Variants in SRFBP1 observed in about 807,000 individuals in gnomAD.
SRFBP1 encodes the protein serum response factor binding protein 1.
SRFBP1 carries 47 observed loss-of-function variants against 45.5 expected under a neutral mutation model. The observed-to-expected ratio is 1.03, with a 90% CI of 0.82 to 1.32. SRFBP1 has a LOEUF of 1.32. Ranked by LOEUF, SRFBP1 falls within the 40% of genes most tolerant of loss-of-function variation. The pLI is 0.00. For synonymous variants in SRFBP1, 203 were observed against 166.3 expected (o/e 1.22, Z -1.70); for missense variants, 621 against 484.6 (o/e 1.28, Z -2.64).
intron 3 of SRFBP1, among the ~76,000 whole-genome samples, chr5:121,976,323 T>C (rs1752301735): frequency 1.3e-5 from 2 of 151,962 alleles, no homozygotes; most frequent in Non-Finnish European, 2.9e-5. Context: ...TATTATAAAA[T>C]TCATGGAATC....
intron 2 of SRFBP1, chr5:122,066,774 C>T (rs756079058): frequency 6.7e-7 from 1 of 1,497,908 alleles, no homozygotes; most frequent in Non-Finnish European, 9.3e-7. Flanking sequence ...CAAAATAAGA[C>T]AAATTATTAA....
At chr5:122,026,422 C>A (rs113358732) in intron 7 of SRFBP1, among the ~76,000 whole-genome samples, 114 of 152,252 alleles carry the variant, frequency 7.5e-4, no homozygotes, top group African/African-American at 2.6e-3. Flanking sequence ...GTACTATTTG[C>A]CTTGTAATAA....
chr5:121,995,690 C>CA (rs1181774170), intron 4 of SRFBP1, among the ~76,000 whole-genome samples: 2 of 151,844 alleles, frequency 1.3e-5, no homozygotes, highest in Non-Finnish European at 2.9e-5. Context: ...AATAGAGACA[C>CA]AAAAAACCCT....
At chr5:122,051,001 A>T (rs373285709) in intron 2 of SRFBP1, among the ~76,000 whole-genome samples, 6 of 152,018 alleles carry the variant, frequency 3.9e-5, no homozygotes, top group East Asian at 3.9e-4. Context: ...CCTTAATTTC[A>T]TTGTTTCCCC....
At chr5:122,057,744 G>A (rs1048524316) in intron 2 of SRFBP1, among the ~76,000 whole-genome samples, 11 of 152,066 alleles carry the variant, frequency 7.2e-5, no homozygotes, top group Admixed American at 6.6e-4. Flanking sequence ...TATAGTAGAT[G>A]GATCAGACAG....
chr5:122,018,106 A>G (rs1279341926), intron 4 of SRFBP1, among the ~76,000 whole-genome samples: 4 of 152,356 alleles, frequency 2.6e-5, no homozygotes, highest in East Asian at 1.9e-4. Context: ...TCAGCCGTGT[A>G]TATATTTGGG....
At chr5:122,078,013 C>T (rs201335727), downstream of SRFBP1, 1,006 of 1,436,080 alleles carry the variant, frequency 7.0e-4, 17 homozygotes, top group South Asian at 0.015. Flanking sequence ...TGACCCCGCT[C>T]GAGGAGGACG....
chr5:122,001,433 G>A (rs1178870360), intron 4 of SRFBP1, among the ~76,000 whole-genome samples: 2 of 140,012 alleles, frequency 1.4e-5, no homozygotes, highest in Non-Finnish European at 3.1e-5. Flanking sequence ...ATTTTTCTCA[G>A]AACCTTTTGT....
intron 1 of SRFBP1, among the ~76,000 whole-genome samples, chr5:121,967,036 G>A (rs1225011114): frequency 7.5e-5 from 11 of 146,900 alleles, no homozygotes; most frequent in African/African-American, 1.5e-4. Context: ...CTCGTGATCC[G>A]CCTGCCTCAG....
intron 2 of SRFBP1, among the ~76,000 whole-genome samples, chr5:122,047,189 T>G (rs1580543387): frequency 1.3e-5 from 2 of 152,194 alleles, no homozygotes; most frequent in African/African-American, 4.8e-5. Flanking sequence ...GGTCTAACAT[T>G]TAAGTCTTTA....
At chr5:122,031,835 C>T (rs554752527), downstream of SRFBP1, among the ~76,000 whole-genome samples, 1 of 152,100 alleles carries the variant, frequency 6.6e-6, no homozygotes, top group South Asian at 2.1e-4. Context: ...CAGACTACAA[C>T]GTGAATGGAT....
At chr5:122,036,267 C>T (rs1419748776) in intron 2 of SRFBP1, among the ~76,000 whole-genome samples, 1 of 152,092 alleles carries the variant, frequency 6.6e-6, no homozygotes, top group Non-Finnish European at 1.5e-5. Flanking sequence ...CTCATCTGTG[C>T]TCTGGGAGAC....
chr5:122,044,701 G>A (rs761260649), intron 2 of SRFBP1, among the ~76,000 whole-genome samples: 2 of 151,918 alleles, frequency 1.3e-5, no homozygotes, highest in African/African-American at 2.4e-5. Context: ...TCTAATGGAG[G>A]TTTTTAGTTT....
intron 2 of SRFBP1, among the ~76,000 whole-genome samples, chr5:122,056,191 A>G (rs998559763): frequency 8.5e-6 from 1 of 118,084 alleles, no homozygotes; most frequent in Non-Finnish European, 2.2e-5. Context: ...TTAGAGACAG[A>G]AAAAACAGCC....
chr5:122,031,740 A>G (rs1580536629), downstream of SRFBP1, among the ~76,000 whole-genome samples: 5 of 152,336 alleles, frequency 3.3e-5, 1 homozygote, highest in Admixed American at 3.3e-4. Flanking sequence ...GAACCCAGAT[A>G]TCCATCATCT....
chr5:121,979,536 G>A (rs543949972), intron 3 of SRFBP1, among the ~76,000 whole-genome samples: 11 of 152,118 alleles, frequency 7.2e-5, no homozygotes, highest in South Asian at 2.1e-4. Context: ...TAAAAGTATC[G>A]TTAATCTTAC....
chr5:121,975,211 G>T, intron 2 of SRFBP1, 104 bp from the exon 3 acceptor site: 1 of 1,189,226 alleles, frequency 8.4e-7, no homozygotes, highest in Non-Finnish European at 1.2e-6. Flanking sequence ...GTTATTTAGA[G>T]ATTTATTACG....
chr5:122,070,364 T>C (rs776080229), intron 2 of SRFBP1: 1 of 648,790 alleles, frequency 1.5e-6, no homozygotes, highest in South Asian at 2.0e-5. Context: ...TAGATTAGAT[T>C]AGATTGTTTA....
In SRFBP1 at chr5:122,020,712, C is replaced by G; in HGVS notation, c.977C>G (p.Thr326Arg). The G allele has an allele frequency of 6.2e-7, 1 of 1,612,292 alleles. No homozygotes were observed. The highest frequency in any genetic ancestry group is 1.7e-5 in the Admixed American group (1 of 59,660). Residue 326 changes from threonine (T) to arginine (R), a missense_variant, in exon 6 of 8, where the codon ACA becomes AGA. Coordinates refer to ENST00000339397, the MANE Select transcript of SRFBP1 (RefSeq NM_152546.3). ...GATACAGGTGAAACTCATGGGGATA[C>G]AAGAAATGACAAAATCAAGCCAAGT... ...KEDTGETHGDTRNDKIKPSTE... is the reference protein window; with the variant it reads ...KEDTGETHGDRRNDKIKPSTE...
Sources: gnomAD v4.1 joint callset for allele counts (sites outside exome capture counted in the v4.1 genomes callset) on GRCh38, gnomAD v4.1.1 for gene constraint, MANE v1.5 for transcripts, NCBI Gene and HGNC (gene_info 2026-07-23, HGNC 2026-07-21) for gene names.